Variants in EXT1 observed in about 807,000 individuals in gnomAD.
The protein encoded by EXT1 is exostosin glycosyltransferase 1, also known as exostosin-1.
In EXT1, 20 loss-of-function variants were observed where a neutral mutation model predicts 82.5. That is an observed-to-expected ratio of 0.24 (90% confidence interval 0.17 to 0.35). EXT1 has a LOEUF of 0.35. Ranked by LOEUF, EXT1 falls within the 10% of genes least tolerant of loss-of-function variation. The probability of loss-of-function intolerance (pLI) is 1.00; values close to 1 mark genes in which losing one functional copy is unlikely to be tolerated. For missense variants in EXT1, 757 were observed against 936.5 expected, an observed-to-expected ratio of 0.81 and a Z score of 2.50; for synonymous variants, 348 against 350.8, an observed-to-expected ratio of 0.99 and a Z score of 0.09.
chr8:117,946,761 A>T (rs933336161), intron 1 of EXT1, among the ~76,000 whole-genome samples: 1 of 152,152 alleles, frequency 6.6e-6, no homozygotes, highest in Non-Finnish European at 1.5e-5. Context: ...CGTGAACTTC[A>T]CCATCAGTGC....
chr8:118,104,999 C>G (rs1212231246), intron 1 of EXT1, among the ~76,000 whole-genome samples: 1 of 152,170 alleles, frequency 6.6e-6, no homozygotes, highest in Non-Finnish European at 1.5e-5. Flanking sequence ...GGCCATAAAA[C>G]CTGGGTTTTA....
chr8:118,094,557 G>C (rs1277483214), intron 1 of EXT1, among the ~76,000 whole-genome samples: 3 of 152,194 alleles, frequency 2.0e-5, no homozygotes, highest in Non-Finnish European at 2.9e-5. Flanking sequence ...GTTTCTTATT[G>C]AGTGTTTACT....
intron 1 of EXT1, among the ~76,000 whole-genome samples, chr8:117,864,793 G>A (rs1257716434): frequency 6.6e-6 from 1 of 150,580 alleles, no homozygotes; most frequent in Non-Finnish European, 1.5e-5. Context: ...ATCTCATAAT[G>A]CTTCAGGAAA....
intron 1 of EXT1, among the ~76,000 whole-genome samples, chr8:118,087,281 A>T (rs1817438596): frequency 6.6e-6 from 1 of 152,212 alleles, no homozygotes. Context: ...CCAACCCTGA[A>T]ATTGAATCCA....
intron 4 of EXT1, among the ~76,000 whole-genome samples, chr8:117,825,194 G>A (rs564454814): frequency 5.3e-5 from 8 of 152,250 alleles, no homozygotes; most frequent in Admixed American, 5.2e-4. Context: ...GTAGGACCTT[G>A]TCAAAGGGTA....
intron 1 of EXT1, among the ~76,000 whole-genome samples, chr8:118,064,763 C>T (rs918456565): frequency 6.6e-6 from 1 of 152,030 alleles, no homozygotes; most frequent in African/African-American, 2.4e-5. Flanking sequence ...CACTGTCTTC[C>T]ACAATGGTTG....
intron 1 of EXT1, among the ~76,000 whole-genome samples, chr8:118,011,929 C>G (rs1815908220): frequency 6.6e-6 from 1 of 152,100 alleles, no homozygotes. Context: ...CAGAGTCCTA[C>G]AGAGAGCGCG....
intron 1 of EXT1, among the ~76,000 whole-genome samples, chr8:117,872,824 G>GAA (rs1171262675): frequency 3.0e-4 from 26 of 87,432 alleles, no homozygotes; most frequent in Middle Eastern, 6.8e-3. Flanking sequence ...CTGAAGCAGA[G>GAA]AAAAAAAAAA....
chr8:117,877,499 G>A (rs555497586), intron 1 of EXT1, among the ~76,000 whole-genome samples: 1 of 152,170 alleles, frequency 6.6e-6, no homozygotes, highest in African/African-American at 2.4e-5. Flanking sequence ...ATTTTTGCAG[G>A]GTTTTGTTCT....
intron 7 of EXT1, among the ~76,000 whole-genome samples, chr8:117,817,404 G>C (rs1322765818): frequency 6.6e-6 from 1 of 152,112 alleles, no homozygotes; most frequent in Non-Finnish European, 1.5e-5. Context: ...CTTATGACCT[G>C]ACCCCTTGGG....
intron 1 of EXT1, among the ~76,000 whole-genome samples, chr8:117,863,452 T>G (rs1812721521): frequency 6.6e-6 from 1 of 150,594 alleles, no homozygotes; most frequent in Non-Finnish European, 1.5e-5. Context: ...TGTTTGTTGT[T>G]GTGACACTTT....
chr8:117,884,011 G>A (rs1813106420), intron 1 of EXT1, among the ~76,000 whole-genome samples: 1 of 152,184 alleles, frequency 6.6e-6, no homozygotes, highest in Non-Finnish European at 1.5e-5. Context: ...GAGAGAGTCG[G>A]AGGGAGGAAG....
intron 1 of EXT1, among the ~76,000 whole-genome samples, chr8:118,060,304 G>C (rs762595855): frequency 1.3e-5 from 2 of 152,168 alleles, no homozygotes; most frequent in Non-Finnish European, 2.9e-5. Context: ...GCCCACAGAC[G>C]TGTTTGATTT....
intron 1 of EXT1, among the ~76,000 whole-genome samples, chr8:118,064,748 C>T (rs965281183): frequency 2.6e-5 from 4 of 152,060 alleles, no homozygotes; most frequent in Admixed American, 6.6e-5. Flanking sequence ...CTTGAAGAAT[C>T]GCCACACTGT....
chr8:117,982,469 C>G (rs1278417355), intron 1 of EXT1, among the ~76,000 whole-genome samples: 1 of 152,080 alleles, frequency 6.6e-6, no homozygotes, highest in Non-Finnish European at 1.5e-5. Context: ...TATTTTAAGG[C>G]CAACTATTTA....
chr8:118,054,489 T>C (rs1253589985), intron 1 of EXT1, among the ~76,000 whole-genome samples: 3 of 152,232 alleles, frequency 2.0e-5, no homozygotes, highest in Non-Finnish European at 4.4e-5. Flanking sequence ...ATTAAAGTGA[T>C]GATAATAATC....
chr8:117,955,671 T>C (rs567499005), intron 1 of EXT1, among the ~76,000 whole-genome samples: 1 of 152,286 alleles, frequency 6.6e-6, no homozygotes, highest in South Asian at 2.1e-4. Context: ...TTCTCATGCC[T>C]CAACCTCCCG....
intron 1 of EXT1, among the ~76,000 whole-genome samples, chr8:117,961,441 T>C (rs1213221471): frequency 6.6e-6 from 1 of 152,232 alleles, no homozygotes; most frequent in Non-Finnish European, 1.5e-5. Context: ...GGCTTGAATA[T>C]GCTTTGCAAT....
intron 1 of EXT1, among the ~76,000 whole-genome samples, chr8:118,011,214 A>G (rs965100138): frequency 6.6e-6 from 1 of 152,162 alleles, no homozygotes; most frequent in Non-Finnish European, 1.5e-5. Context: ...CCTGACATTA[A>G]AAGTGTACTC....
Sources: allele counts gnomAD v4.1 joint callset (sites outside exome capture counted in the v4.1 genomes callset), GRCh38; gene constraint gnomAD v4.1.1; transcripts MANE v1.5; gene names NCBI Gene and HGNC (gene_info 2026-07-23, HGNC 2026-07-21).